Variants in ZBBX observed in about 807,000 individuals in gnomAD.
ZBBX encodes zinc finger B-box domain containing.
Under a neutral mutation model 108.5 loss-of-function variants are expected in ZBBX, and 101 were observed. The ratio of observed to expected loss-of-function variants is 0.93; its 90% CI spans 0.79 to 1.10. The LOEUF (loss-of-function observed/expected upper bound fraction) is 1.10, where lower values mean the gene tolerates loss of function less well. Among genes scored for constraint, ZBBX ranks in the 50% least tolerant of loss-of-function variants. The pLI is 0.00. For synonymous variants in ZBBX, 356 were observed against 323.4 expected (o/e 1.10, Z -1.08); for missense variants, 1,009 against 941.4 (o/e 1.07, Z -0.94).
At chr3:167,283,033 C>A (rs529371417) in intron 19 of ZBBX, among the ~76,000 whole-genome samples, 14 of 152,260 alleles carry the variant, frequency 9.2e-5, no homozygotes, top group Admixed American at 4.6e-4. Context: ...TGGAAAAACA[C>A]AGGCTTTAAA....
chr3:167,394,528 T>A (rs569874378), intron 1 of ZBBX, among the ~76,000 whole-genome samples: 1 of 151,950 alleles, frequency 6.6e-6, no homozygotes, highest in African/African-American at 2.4e-5. Context: ...TAAAAAATGC[T>A]ATTCTGTCCT....
chr3:167,335,740 C>T (rs1739438300), intron 9 of ZBBX, among the ~76,000 whole-genome samples: 1 of 151,476 alleles, frequency 6.6e-6, no homozygotes, highest in Non-Finnish European at 1.5e-5. Context: ...TATCAGTGAA[C>T]ATCAAATTAA....
chr3:167,276,818 G>GA (rs1211942334), intron 20 of ZBBX, among the ~76,000 whole-genome samples: 2 of 151,998 alleles, frequency 1.3e-5, no homozygotes, highest in Non-Finnish European at 2.9e-5. Flanking sequence ...TGAAATGAAG[G>GA]AAAAAATGTT....
At chr3:167,220,034 C>T in the ZBBX span, among the ~76,000 whole-genome samples, 5 of 151,898 alleles carry the variant, frequency 3.3e-5, no homozygotes, top group Non-Finnish European at 5.9e-5. Flanking sequence ...TTCAACCTAC[C>T]AAGATTGAGC....
intron 20 of ZBBX, among the ~76,000 whole-genome samples, chr3:167,277,691 G>A (rs950648638): frequency 3.3e-5 from 5 of 152,000 alleles, no homozygotes; most frequent in East Asian, 1.9e-4. Flanking sequence ...ACAGATCAAC[G>A]AGACAGAAAG....
chr3:167,183,193 C>T, the ZBBX span, among the ~76,000 whole-genome samples: 39 of 152,306 alleles, frequency 2.6e-4, 1 homozygote, highest in Middle Eastern at 0.01. Flanking sequence ...TCTGTTACTT[C>T]GTTATACTCT....
chr3:167,259,712 A>G (rs756718028), intron 20 of ZBBX, among the ~76,000 whole-genome samples: 1 of 152,080 alleles, frequency 6.6e-6, no homozygotes, highest in African/African-American at 2.4e-5. Context: ...TTAAATTTCT[A>G]CCTTGATTTC....
intron 20 of ZBBX, among the ~76,000 whole-genome samples, chr3:167,260,043 T>A (rs1259210689): frequency 6.6e-6 from 1 of 152,194 alleles, no homozygotes; most frequent in East Asian, 1.9e-4. Flanking sequence ...GTGAATTCTC[T>A]CAGCATTTGT....
At chr3:167,378,772 T>C (rs1224296327) in intron 2 of ZBBX, among the ~76,000 whole-genome samples, 1 of 152,192 alleles carries the variant, frequency 6.6e-6, no homozygotes, top group Admixed American at 6.5e-5. Context: ...AGCTTTAGTG[T>C]TTACCTCTCT....
intron 7 of ZBBX, among the ~76,000 whole-genome samples, 170 bp downstream of exon 7, chr3:167,360,505 C>T (rs1408338428): frequency 6.6e-6 from 1 of 151,726 alleles, no homozygotes; most frequent in African/African-American, 2.4e-5. Flanking sequence ...ACACAAAAGC[C>T]CCCCTAACCA....
At chr3:167,354,688 T>C (rs971921075) in intron 8 of ZBBX, among the ~76,000 whole-genome samples, 1 of 151,936 alleles carries the variant, frequency 6.6e-6, no homozygotes, top group Non-Finnish European at 1.5e-5. Context: ...TCAAAATATA[T>C]TCTGCATAAT....
intron 19 of ZBBX, among the ~76,000 whole-genome samples, chr3:167,288,448 C>T (rs1730097768): frequency 6.6e-6 from 1 of 152,130 alleles, no homozygotes; most frequent in Admixed American, 6.6e-5. Context: ...GAAACAGCAT[C>T]TTAACCTAAG....
intron 20 of ZBBX, among the ~76,000 whole-genome samples, chr3:167,279,968 G>A (rs1287417807): frequency 2.6e-5 from 4 of 151,734 alleles, no homozygotes; most frequent in Non-Finnish European, 5.9e-5. Flanking sequence ...TCTGATCTTT[G>A]ACAAACCTGA....
the ZBBX span, among the ~76,000 whole-genome samples, chr3:167,192,646 G>A: frequency 3.3e-5 from 5 of 151,958 alleles, no homozygotes; most frequent in African/African-American, 1.2e-4. Flanking sequence ...CTATCTTATA[G>A]GTAATATTCA....
chr3:167,282,852 T>C (rs1242040488), intron 19 of ZBBX, among the ~76,000 whole-genome samples: 2 of 152,188 alleles, frequency 1.3e-5, no homozygotes, highest in Non-Finnish European at 2.9e-5. Context: ...ACGACATGTG[T>C]CTTAAATTCC....
At chr3:167,226,228 C>T in the ZBBX span, among the ~76,000 whole-genome samples, 2 of 151,800 alleles carry the variant, frequency 1.3e-5, no homozygotes, top group South Asian at 2.1e-4. Context: ...TTCCTTTCTG[C>T]AAGACCAGTA....
the ZBBX span, among the ~76,000 whole-genome samples, chr3:167,229,352 A>G: frequency 6.6e-6 from 1 of 151,846 alleles, no homozygotes; most frequent in African/African-American, 2.4e-5. Context: ...AGATGAGGTC[A>G]ATCTGCATTT....
chr3:167,397,877 CA>C (rs977951750), intron 1 of ZBBX, among the ~76,000 whole-genome samples: 51 of 148,614 alleles, frequency 3.4e-4, no homozygotes, highest in African/African-American at 1.3e-3. Flanking sequence ...AATTAGGTTA[CA>C]TTTGTTTGCT....
In ZBBX at chr3:167,322,196, A is replaced by C; in HGVS notation, c.904T>G (p.Trp302Gly). Residue 302 changes from tryptophan to glycine, a missense_variant, in exon 12 of 22, where the codon TGG becomes GGG. Coordinates refer to ENST00000675490, the MANE Select transcript of ZBBX (RefSeq NM_001199201.2). ...AGTTCAATATTAAGTGGTTCTCTCC[A>C]AATTTTCAGATTAGTCTGTACTTCG... The part of the protein sequence containing the change: ...ECEVQTNLKI[W>G]REPLNIELKE... The C allele has an allele frequency of 4.1e-6, 6 of 1,481,008 alleles. No individual in the cohort carries two copies. Among genetic ancestry groups the C allele is most frequent in the Non-Finnish European group, 5.4e-6 (6 of 1,111,928 alleles). The allele number at this position is 1,481,008 out of a possible 1,614,324, so 91.7% of individuals were successfully genotyped here. A position where few individuals can be genotyped will look rare whatever the true frequency, so the allele number is the denominator to read the frequency against.
Sources: gnomAD v4.1 joint callset for allele counts (sites outside exome capture counted in the v4.1 genomes callset) on GRCh38, gnomAD v4.1.1 for gene constraint, MANE v1.5 for transcripts, NCBI Gene and HGNC (gene_info 2026-07-23, HGNC 2026-07-21) for gene names.